Variants in DAB1 observed in about 807,000 individuals in gnomAD.
DAB1 encodes the protein DAB adaptor protein 1, also known as disabled homolog 1.
DAB1 carries 15 observed loss-of-function variants against 64.6 expected under a neutral mutation model. The observed-to-expected ratio is 0.23, with a 90% CI of 0.16 to 0.36. The LOEUF is 0.36. Ranked by LOEUF, DAB1 falls within the 10% of genes least tolerant of loss-of-function variation. The pLI, the probability that DAB1 is intolerant of heterozygous loss-of-function variation, is 1.00. For missense variants in DAB1, 596 were observed against 706.7 expected (o/e 0.84, Z 1.78); for synonymous variants, 235 against 251.9 (o/e 0.93, Z 0.64).
chr1:57,491,272 C>T (rs1644160239), intron 7 of DAB1, among the ~76,000 whole-genome samples: 1 of 151,794 alleles, frequency 6.6e-6, no homozygotes, highest in Non-Finnish European at 1.5e-5. Flanking sequence ...ACTAAAAATA[C>T]AAAAAATTAG....
intron 1 of DAB1, among the ~76,000 whole-genome samples, chr1:57,839,498 G>A (rs1652957911): frequency 6.6e-6 from 1 of 152,092 alleles, no homozygotes; most frequent in South Asian, 2.1e-4. Flanking sequence ...GTCAATTATT[G>A]GCTAAAAAAC....
intron 4 of DAB1, among the ~76,000 whole-genome samples, chr1:57,103,230 G>A (rs1654841727): frequency 6.6e-6 from 1 of 152,102 alleles, no homozygotes. Flanking sequence ...GTGTAGGAAG[G>A]GACAATGTTA....
chr1:58,501,933 C>A (rs190484097), intron 3 of DAB1, among the ~76,000 whole-genome samples: 2 of 152,024 alleles, frequency 1.3e-5, no homozygotes, highest in Admixed American at 6.6e-5. Context: ...CACTGCCCCC[C>A]ACTCCCGCCC....
chr1:58,112,146 C>G (rs568654430), intron 5 of DAB1, among the ~76,000 whole-genome samples: 32 of 152,194 alleles, frequency 2.1e-4, no homozygotes, highest in Non-Finnish European at 4.0e-4. Context: ...GGCATCATCT[C>G]CTTAAGAAGC....
At chr1:57,227,441 A>G (rs1363906466) in intron 2 of DAB1, among the ~76,000 whole-genome samples, 1 of 152,136 alleles carries the variant, frequency 6.6e-6, no homozygotes, top group Non-Finnish European at 1.5e-5. Flanking sequence ...AGCTTTAAAG[A>G]GTAATAAAGC....
intron 7 of DAB1, among the ~76,000 whole-genome samples, chr1:57,461,863 T>C (rs1686790735): frequency 1.3e-5 from 2 of 150,606 alleles, no homozygotes; most frequent in East Asian, 3.9e-4. Flanking sequence ...CCTCAGTGAA[T>C]GAATGAAACC....
intron 7 of DAB1, among the ~76,000 whole-genome samples, chr1:57,573,317 C>T (rs1487558729): frequency 6.6e-6 from 1 of 152,154 alleles, no homozygotes; most frequent in Non-Finnish European, 1.5e-5. Context: ...ATCTCAATCT[C>T]CTGGCCTCAA....
intron 2 of DAB1, among the ~76,000 whole-genome samples, chr1:57,273,579 C>T (rs1265878773): frequency 1.3e-5 from 1 of 74,354 alleles, no homozygotes; most frequent in African/African-American, 5.6e-5. Context: ...TCCTTCCTTC[C>T]TTCCTTCCTT....
chr1:58,544,074 A>G (rs977423403), intron 1 of DAB1, among the ~76,000 whole-genome samples: 1 of 152,220 alleles, frequency 6.6e-6, no homozygotes, highest in East Asian at 1.9e-4. Flanking sequence ...CATCTAAAGG[A>G]GGTGCAAACA....
intron 2 of DAB1, among the ~76,000 whole-genome samples, chr1:58,519,142 A>C (rs1204283581): frequency 6.6e-6 from 1 of 152,260 alleles, no homozygotes; most frequent in Non-Finnish European, 1.5e-5. Flanking sequence ...TATAAGGGTC[A>C]TAACAGAGAA....
At chr1:57,117,188 T>A (rs1276217814) in intron 4 of DAB1, among the ~76,000 whole-genome samples, 1 of 152,212 alleles carries the variant, frequency 6.6e-6, no homozygotes, top group African/African-American at 2.4e-5. Context: ...AGGGTTTTTT[T>A]ACATGGGAAA....
intron 7 of DAB1, among the ~76,000 whole-genome samples, chr1:57,510,914 G>A (rs936953750): frequency 2.6e-5 from 4 of 152,108 alleles, no homozygotes; most frequent in African/African-American, 9.7e-5. Flanking sequence ...AAGTAGCTGG[G>A]ATTACAGGCA....
At chr1:57,681,914 C>G (rs560424391) in intron 6 of DAB1, among the ~76,000 whole-genome samples, 1 of 152,190 alleles carries the variant, frequency 6.6e-6, no homozygotes, top group East Asian at 1.9e-4. Context: ...ACTAAGAAGC[C>G]AGCTGCCAGG....
At chr1:57,706,824 G>C (rs1646972381) in intron 6 of DAB1, among the ~76,000 whole-genome samples, 1 of 152,012 alleles carries the variant, frequency 6.6e-6, no homozygotes. Flanking sequence ...TGTAATCCCA[G>C]CACTTTGGGA....
At chr1:58,213,047 C>T (rs1244209821) in intron 4 of DAB1, among the ~76,000 whole-genome samples, 2 of 152,142 alleles carry the variant, frequency 1.3e-5, no homozygotes, top group African/African-American at 4.8e-5. Flanking sequence ...CGTAACACTG[C>T]AGCTGTGTTT....
intron 4 of DAB1, among the ~76,000 whole-genome samples, chr1:58,242,811 C>T (rs1660357529): frequency 6.6e-6 from 1 of 151,784 alleles, no homozygotes; most frequent in Non-Finnish European, 1.5e-5. Flanking sequence ...GCAGGAAAAA[C>T]TGTATAAGTG....
intron 3 of DAB1, among the ~76,000 whole-genome samples, chr1:58,424,552 A>G (rs993998427): frequency 1.3e-5 from 2 of 152,206 alleles, no homozygotes; most frequent in East Asian, 3.9e-4. Flanking sequence ...CTTACCGTTA[A>G]TTATACTCTC....
rs77560446 is a variant in DAB1, at chr1:58,524,144, A to T, written n.107+3117T>A. Among the ~76,000 whole-genome samples, 480 of 152,328 alleles carry T rather than the reference A, an allele frequency of 3.2e-3. 1 individual carries two copies. The highest frequency in any genetic ancestry group is 0.011 in the African/African-American group (464 of 41,554). On this transcript the variant is annotated intron_variant and non_coding_transcript_variant, in intron 2 of 20. Coordinates refer to the DAB1 transcript ENST00000485760. ...TTCCGCAAAACAGTAGAGTTAGCATATCCCTTCTGCCTTAAATCTTGATGC... is the reference window on the plus strand; with the variant it reads ...TTCCGCAAAACAGTAGAGTTAGCATTTCCCTTCTGCCTTAAATCTTGATGC...
intron 3 of DAB1, among the ~76,000 whole-genome samples, chr1:58,479,371 A>C (rs1430965291): frequency 2.6e-5 from 4 of 152,216 alleles, no homozygotes; most frequent in Non-Finnish European, 4.4e-5. Context: ...AGATCAGGAA[A>C]TTCCTTACAA....
Sources: gnomAD v4.1 joint callset for allele counts (sites outside exome capture counted in the v4.1 genomes callset) on GRCh38, gnomAD v4.1.1 for gene constraint, MANE v1.5 for transcripts, NCBI Gene and HGNC (gene_info 2026-07-23, HGNC 2026-07-21) for gene names.